The following RECQL variants were observed in gnomAD, a reference collection of about 807,000 sequenced individuals.
The protein encoded by RECQL is RecQ like helicase, also known as ATP-dependent DNA helicase Q1.
A neutral mutation model predicts 75.8 loss-of-function variants in RECQL; 73 were observed. The observed-to-expected ratio is 0.96, with a 90% confidence interval of 0.80 to 1.17. The LOEUF is 1.17. Among genes scored for constraint, RECQL ranks in the 50% most tolerant of loss-of-function variants. The pLI is 0.00. For synonymous variants in RECQL, 248 were observed against 254.4 expected (o/e 0.97, Z 0.24); for missense variants, 699 against 772.1 (o/e 0.91, Z 1.12).
rs756868897 is a variant in RECQL, at chr12:21,491,560, C to CTTGCCCCGGCATCAG, written c.158_172dup (p.Ala57_Ser58insThrAspAlaGlyAla). 1 of 1,611,008 alleles carries CTTGCCCCGGCATCAG rather than the reference C, an allele frequency of 6.2e-7. No homozygotes were observed. Among genetic ancestry groups the CTTGCCCCGGCATCAG allele is most frequent in the South Asian group, 1.1e-5 (1 of 90,834 alleles). Reference sequence around the variant, plus strand: ...GGCAGGTGAAGAATCATATTCATTGCTTGCCCCGGCATCAGAATCCTCTAA... The same window carrying CTTGCCCCGGCATCAG: ...GGCAGGTGAAGAATCATATTCATTGCTTGCCCCGGCATCAGTTGCCCCGGCATCAGAATCCTCTAA... On this transcript the variant is annotated inframe_insertion, in exon 3 of 15. Coordinates refer to ENST00000444129, the MANE Select transcript of RECQL (RefSeq NM_002907.4).
intron 5 of RECQL, among the ~76,000 whole-genome samples, chr12:21,486,057 G>A (rs1156759375): frequency 3.3e-5 from 5 of 152,246 alleles, no homozygotes; most frequent in South Asian, 2.1e-4. Flanking sequence ...GTCAGCAAAT[G>A]TTTCCTGTAA....
intron 4 of RECQL, among the ~76,000 whole-genome samples, 192 bp downstream of exon 4, chr12:21,490,007 G>A (rs1291690637): frequency 6.6e-6 from 1 of 151,644 alleles, no homozygotes; most frequent in Non-Finnish European, 1.5e-5. Context: ...ATATACCCCT[G>A]AATCTAAAAT....
At chr12:21,493,096 AC>A (rs1943443123) in intron 2 of RECQL, among the ~76,000 whole-genome samples, 1 of 152,186 alleles carries the variant, frequency 6.6e-6, no homozygotes, top group Admixed American at 6.5e-5. Context: ...ACCTGACTGA[AC>A]CCTAACCAAT....
chr12:21,474,110 TTAG>T (rs576078366), intron 11 of RECQL, among the ~76,000 whole-genome samples: 73 of 151,432 alleles, frequency 4.8e-4, no homozygotes, highest in African/African-American at 1.8e-3. Flanking sequence ...TTTGCAACTA[TTAG>T]GAGAATATTC....
chr12:21,471,180 G>A (rs577696995), intron 13 of RECQL, 82 bp from the exon 14 acceptor site: 22 of 1,310,244 alleles, frequency 1.7e-5, no homozygotes, highest in South Asian at 9.6e-5. Flanking sequence ...AACTATATGC[G>A]CAGTAATTCT....
At chr12:21,498,572 C>T (rs1478968881) in intron 2 of RECQL, among the ~76,000 whole-genome samples, 2 of 152,056 alleles carry the variant, frequency 1.3e-5, no homozygotes, top group African/African-American at 4.8e-5. Context: ...GCAAAGAAGG[C>T]GATTACTATA....
intron 3 of RECQL, among the ~76,000 whole-genome samples, 167 bp downstream of exon 3, chr12:21,491,348 TACAG>T (rs1943407679): frequency 1.3e-5 from 2 of 152,306 alleles, no homozygotes; most frequent in South Asian, 4.1e-4. Flanking sequence ...ATTTGAAGAC[TACAG>T]AACACAGGGA....
At chr12:21,471,287 G>C in intron 13 of RECQL, 141 bp downstream of exon 13, 1 of 957,978 alleles carries the variant, frequency 1.0e-6, no homozygotes, top group Non-Finnish European at 1.5e-6. Flanking sequence ...AGTGATTAAA[G>C]TTTGAGTGTT....
chr12:21,474,790 C>T (rs374752199), intron 11 of RECQL, 51 bp downstream of exon 11: 165 of 1,554,590 alleles, frequency 1.1e-4, no homozygotes, highest in Middle Eastern at 3.4e-4. Context: ...ATGTCATATA[C>T]TTTCATATTT....
At chr12:21,489,363 T>G (rs754425407) in intron 4 of RECQL, among the ~76,000 whole-genome samples, 2 of 149,162 alleles carry the variant, frequency 1.3e-5, no homozygotes, top group South Asian at 4.4e-4. Context: ...AGAAAAAGCT[T>G]GCTGATCCCT....
chr12:21,492,193 T>C (rs1480843550), intron 2 of RECQL, among the ~76,000 whole-genome samples: 1 of 152,228 alleles, frequency 6.6e-6, no homozygotes, highest in Non-Finnish European at 1.5e-5. Flanking sequence ...AAGGTATTCC[T>C]ATTTGGGCTC....
chr12:21,475,410 C>T, intron 10 of RECQL, 58 bp downstream of exon 10: 1 of 978,270 alleles, frequency 1.0e-6, no homozygotes, highest in Non-Finnish European at 1.6e-6. Flanking sequence ...AAGCATTTAT[C>T]ATGTATTTTT....
chr12:21,480,923 G>C (rs1177756240), intron 6 of RECQL, among the ~76,000 whole-genome samples: 1 of 152,142 alleles, frequency 6.6e-6, no homozygotes, highest in African/African-American at 2.4e-5. Context: ...CCCTACAGGT[G>C]GTTGTTGCTT....
intron 5 of RECQL, 66 bp downstream of exon 5, chr12:21,486,413 C>T: frequency 6.7e-7 from 1 of 1,483,928 alleles, no homozygotes. Context: ...AGCAACTCAA[C>T]TGCAGGTAAA....
chr12:21,488,321 T>G (rs375882069), intron 4 of RECQL, among the ~76,000 whole-genome samples: 10 of 152,336 alleles, frequency 6.6e-5, no homozygotes, highest in Middle Eastern at 3.4e-3. Context: ...TGCTACTCTT[T>G]CTCAGCCTTG....
chr12:21,478,055 G>T, intron 6 of RECQL, 86 bp from the exon 7 acceptor site: 1 of 1,332,604 alleles, frequency 7.5e-7, no homozygotes. Flanking sequence ...GATAATCGAT[G>T]ACTACTATGA....
intron 4 of RECQL, 57 bp downstream of exon 4, chr12:21,490,142 A>C: frequency 1.1e-6 from 1 of 948,112 alleles, no homozygotes; most frequent in South Asian, 2.3e-5. Context: ...AAAAGAATTA[A>C]AAAGGTATGA....
At chr12:21,484,143 A>G (rs1943245834) in intron 5 of RECQL, among the ~76,000 whole-genome samples, 1 of 152,138 alleles carries the variant, frequency 6.6e-6, no homozygotes, top group Non-Finnish European at 1.5e-5. Context: ...TTAGATTCTT[A>G]GTACTCATAC....
chr12:21,470,707 A>G, intron 14 of RECQL: 1 of 321,012 alleles, frequency 3.1e-6, no homozygotes, highest in Non-Finnish European at 5.5e-6. Context: ...AGCAGAGTGC[A>G]TAACAAAATT....
Sources: allele counts gnomAD v4.1 joint callset (sites outside exome capture counted in the v4.1 genomes callset), GRCh38; gene constraint gnomAD v4.1.1; transcripts MANE v1.5; gene names NCBI Gene and HGNC (gene_info 2026-07-23, HGNC 2026-07-21).